DNAH11: variants seen among roughly 807,000 people sequenced by gnomAD.
DNAH11 encodes the protein axonemal beta dynein heavy chain 11.
In DNAH11, 442 loss-of-function variants were observed where a neutral mutation model predicts 526.0. The observed-to-expected ratio is 0.84, with a 90% confidence interval of 0.78 to 0.91. The LOEUF (loss-of-function observed/expected upper bound fraction) is 0.91. DNAH11 is among the 40% of genes least tolerant of loss of function. The pLI is 0.00. For synonymous variants in DNAH11, 2,461 were observed against 1,935.9 expected, an observed-to-expected ratio of 1.27 and a Z score of -7.12; for missense variants, 6,989 against 5,448.7, an observed-to-expected ratio of 1.28 and a Z score of -8.90.
At chr7:21,614,125 T>A (rs1449666542) in intron 20 of DNAH11, among the ~76,000 whole-genome samples, 2 of 152,188 alleles carry the variant, frequency 1.3e-5, no homozygotes, top group African/African-American at 4.8e-5. Context: ...ATACAATTTT[T>A]ATTTGTCAAT....
chr7:21,606,674 T>C lies in DNAH11; in HGVS notation c.3793T>C (p.Phe1265Leu), dbSNP rs758574212. 7 of 1,603,802 alleles carry C rather than the reference T, an allele frequency of 4.4e-6. No homozygotes were observed. The highest frequency in any genetic ancestry group is 6.0e-6 in the Non-Finnish European group (7 of 1,175,404). Reference sequence around the variant, plus strand: ...AAAGCAGGCAGAGTTCAGAGAGAGATTCAGACACTATGCCCCTCTTGGATT... The same window carrying C: ...AAAGCAGGCAGAGTTCAGAGAGAGACTCAGACACTATGCCCCTCTTGGATT... ...DAKQAEFRER[F>L]RHYAPLGFNA... The change falls in exon 20 of 82, where the codon TTC becomes CTC. Residue 1265 changes from phenylalanine to leucine, a missense_variant. Phe to Leu is a conservative substitution (Grantham distance 22, BLOSUM62 0). Transcript: ENST00000409508.
At chr7:21,594,063 TACACACACACACACACACACACAC>T (rs59727118) in intron 14 of DNAH11, among the ~76,000 whole-genome samples, 2 of 137,522 alleles carry the variant, frequency 1.5e-5, no homozygotes, top group African/African-American at 2.7e-5. Context: ...CATACACACA[TACACACACACACACACACACACAC>T]ACACACACAC....
chr7:21,713,875 G>A (rs1784550306), intron 42 of DNAH11, among the ~76,000 whole-genome samples: 1 of 152,138 alleles, frequency 6.6e-6, no homozygotes, highest in South Asian at 2.1e-4. Flanking sequence ...TTTTTCTTGG[G>A]ATAATAACTC....
chr7:21,884,248 A>C, intron 75 of DNAH11, 43 bp from the exon 76 acceptor site: 1 of 1,553,722 alleles, frequency 6.4e-7, no homozygotes, highest in Non-Finnish European at 8.7e-7. Context: ...TCTGAGGCAG[A>C]CTCTGCACCC....
Position 21,581,954 on chromosome 7 carries a change from A to G in DNAH11, c.1643A>G (p.Asp548Gly), listed in dbSNP as rs374191991. Residue 548 changes from aspartate (D) to glycine (G), a missense_variant, in exon 9 of 82, where the codon GAC (aspartate) becomes GGC (glycine). Physicochemically the swap from Asp to Gly is moderately conservative, Grantham distance 94. Coordinates refer to ENST00000409508, the MANE Select transcript of DNAH11 (RefSeq NM_001277115.2). Reference protein sequence around the residue: ...VAFKSKTLEFDRRLGTIICEA... With the variant: ...VAFKSKTLEFGRRLGTIICEA... ...TTTAAGTCCAAAACTCTGGAATTTGACAGAAGGCTTGGGACAATTATTTGT... is the reference window on the plus strand; with the variant it reads ...TTTAAGTCCAAAACTCTGGAATTTGGCAGAAGGCTTGGGACAATTATTTGT... 3.7e-6 allele frequency: 6 copies of G among 1,613,196 alleles called. No individual in the cohort carries two copies. The Admixed American group carries it at 6.7e-5, about 18-fold the overall frequency.
At chr7:21,793,716 T>C (rs1788577056) in intron 61 of DNAH11, among the ~76,000 whole-genome samples, 1 of 152,232 alleles carries the variant, frequency 6.6e-6, no homozygotes, top group African/African-American at 2.4e-5. Context: ...TTATCATTAA[T>C]GTTTCTTTGT....
intron 51 of DNAH11, among the ~76,000 whole-genome samples, chr7:21,747,660 G>C (rs991814823): frequency 6.6e-6 from 1 of 152,168 alleles, no homozygotes; most frequent in African/African-American, 2.4e-5. Context: ...GGATTAGTTG[G>C]CCTTGGTGGA....
chr7:21,726,855 T>C (rs1333115163), intron 45 of DNAH11, among the ~76,000 whole-genome samples: 2 of 18,426 alleles, frequency 1.1e-4, no homozygotes, highest in African/African-American at 3.2e-4. Context: ...AGCAAGACTC[T>C]GTCTCAAAAA....
chr7:21,885,850 T>A (rs1195730877), intron 76 of DNAH11, among the ~76,000 whole-genome samples: 1 of 152,180 alleles, frequency 6.6e-6, no homozygotes, highest in Non-Finnish European at 1.5e-5. Flanking sequence ...AGACCAAGCA[T>A]CCTTTTCCCA....
chr7:21,899,844 C>G, intron 80 of DNAH11, 136 bp from the exon 81 acceptor site: 1 of 1,072,724 alleles, frequency 9.3e-7, no homozygotes, highest in Non-Finnish European at 1.3e-6. Flanking sequence ...ACCCCCTGCT[C>G]CAGCGCAGCC....
chr7:21,857,681 A>G (rs1387897307), intron 68 of DNAH11, among the ~76,000 whole-genome samples: 1 of 152,198 alleles, frequency 6.6e-6, no homozygotes, highest in Non-Finnish European at 1.5e-5. Flanking sequence ...CCACAAATGC[A>G]TGGTCAATTG....
chr7:21,681,769 T>C (rs751150222), intron 31 of DNAH11, 92 bp downstream of exon 31: 1 of 1,503,060 alleles, frequency 6.7e-7, no homozygotes, highest in Non-Finnish European at 9.2e-7. Flanking sequence ...CGTTGTTTTT[T>C]TGAAAGTTTG....
intron 54 of DNAH11, among the ~76,000 whole-genome samples, chr7:21,761,825 C>A (rs1173628431): frequency 6.6e-6 from 1 of 152,146 alleles, no homozygotes; most frequent in Non-Finnish European, 1.5e-5. Flanking sequence ...TAATGGTTCT[C>A]TAAGTGACCA....
chr7:21,613,235 C>T (rs1177989744), intron 20 of DNAH11, among the ~76,000 whole-genome samples: 1 of 152,078 alleles, frequency 6.6e-6, no homozygotes, highest in Non-Finnish European at 1.5e-5. Context: ...TAGTAAACTG[C>T]ATTTCACAAA....
intron 25 of DNAH11, among the ~76,000 whole-genome samples, chr7:21,628,290 C>G (rs192635409): frequency 6.6e-6 from 1 of 151,950 alleles, no homozygotes. Flanking sequence ...ATTTCTTTCT[C>G]TTGCCTAATT....
At chr7:21,640,443 G>A (rs1437373044) in intron 28 of DNAH11, among the ~76,000 whole-genome samples, 2 of 150,772 alleles carry the variant, frequency 1.3e-5, no homozygotes, top group East Asian at 3.9e-4. Context: ...TGCTTATAAT[G>A]CAAAATGAAT....
intron 30 of DNAH11, among the ~76,000 whole-genome samples, chr7:21,666,267 CTT>C (rs146693068): frequency 0.031 from 4,646 of 152,002 alleles, 216 homozygotes; most frequent in African/African-American, 0.11. Context: ...TTGTCAGAGT[CTT>C]TGAAAAAAGT....
chr7:21,599,974 C>T lies in DNAH11; in HGVS notation c.2855C>T (p.Pro952Leu), dbSNP rs1279849861. The stretch of plus-strand genomic sequence containing the variant: ...TTTCAAGCACAAATGATCTTGTTGC[C>T]TCCTGAGATTGTGTTTAAACCTTCC... The part of the protein sequence containing the change: ...PFFQAQMILL[P>L]PEIVFKPSLD... The change falls in exon 15 of 82, where the codon CCT (proline) becomes CTT (leucine). Residue 952 changes from proline to leucine, a missense_variant. By Grantham distance (98) the Pro-to-Leu change is moderately conservative. Coordinates refer to ENST00000409508, the MANE Select transcript of DNAH11 (RefSeq NM_001277115.2). 19 of 1,613,670 alleles carry T rather than the reference C, an allele frequency of 1.2e-5. No homozygotes were observed. The highest frequency in any genetic ancestry group is 2.2e-5 in the East Asian group (1 of 44,874).
chr7:21,773,658 T>C, intron 55 of DNAH11, 108 bp from the exon 56 acceptor site: 1 of 822,688 alleles, frequency 1.2e-6, no homozygotes, highest in Non-Finnish European at 1.8e-6. Flanking sequence ...TATACTATCA[T>C]TTTTTTTTCT....
Sources: allele counts gnomAD v4.1 joint callset (sites outside exome capture counted in the v4.1 genomes callset), GRCh38; gene constraint gnomAD v4.1.1; transcripts MANE v1.5; gene names NCBI Gene and HGNC (gene_info 2026-07-23, HGNC 2026-07-21).